Variants in ULK4 observed in about 807,000 individuals in gnomAD.
ULK4 encodes inactive serine/threonine-protein kinase ULK4.
In ULK4, 133 loss-of-function variants were observed where a neutral mutation model predicts 160.6. That is an observed-to-expected ratio of 0.83 (90% confidence interval 0.72 to 0.96). The LOEUF is 0.96. Among genes scored for constraint, ULK4 ranks in the 40% least tolerant of loss-of-function variants. ULK4 has a pLI of 0.00. For missense variants in ULK4, 1,580 were observed against 1,499.5 expected, an observed-to-expected ratio of 1.05 and a Z score of -0.89; for synonymous variants, 534 against 539.8, an observed-to-expected ratio of 0.99 and a Z score of 0.15.
chr3:41,680,498 G>A (rs2035890404), intron 29 of ULK4, among the ~76,000 whole-genome samples: 1 of 152,056 alleles, frequency 6.6e-6, no homozygotes, highest in Admixed American at 6.5e-5. Flanking sequence ...TCAACCAACT[G>A]GAGTGGTTGA....
At chr3:41,421,019 CAGA>C (rs375374986) in intron 34 of ULK4, among the ~76,000 whole-genome samples, 89 of 151,640 alleles carry the variant, frequency 5.9e-4, no homozygotes, top group African/African-American at 2.1e-3. Context: ...GAGGCTGAGG[CAGA>C]AGAATTGCTT....
chr3:41,737,674 T>C (rs945763165), intron 22 of ULK4, among the ~76,000 whole-genome samples: 8 of 151,906 alleles, frequency 5.3e-5, no homozygotes, highest in African/African-American at 1.9e-4. Flanking sequence ...CAGAAACAAT[T>C]TGTACTTTAA....
chr3:41,814,772 A>T, intron 19 of ULK4, among the ~76,000 whole-genome samples: 1 of 152,086 alleles, frequency 6.6e-6, no homozygotes, highest in East Asian at 1.9e-4. Flanking sequence ...AGCCTATTTT[A>T]TCTGATAATA....
At chr3:41,308,287 A>C (rs1173202353) in intron 35 of ULK4, among the ~76,000 whole-genome samples, 2 of 152,172 alleles carry the variant, frequency 1.3e-5, no homozygotes, top group African/African-American at 2.4e-5. Context: ...AGAATAAAAA[A>C]TAAAACAGCG....
At chr3:41,311,183 A>T (rs1005959383) in intron 35 of ULK4, among the ~76,000 whole-genome samples, 1 of 152,154 alleles carries the variant, frequency 6.6e-6, no homozygotes, top group Non-Finnish European at 1.5e-5. Flanking sequence ...AATGGACATT[A>T]TCATGGTTAA....
chr3:41,826,066 G>A (rs572668018), intron 18 of ULK4, among the ~76,000 whole-genome samples: 78 of 152,164 alleles, frequency 5.1e-4, no homozygotes, highest in South Asian at 1.5e-3. Flanking sequence ...ACTAAGCTTC[G>A]TAAGTGAAGG....
intron 32 of ULK4, among the ~76,000 whole-genome samples, chr3:41,470,345 A>T (rs1310910663): frequency 6.6e-6 from 1 of 152,190 alleles, no homozygotes; most frequent in Non-Finnish European, 1.5e-5. Context: ...TGAAGGAAAA[A>T]ATGCTGCCAA....
intron 35 of ULK4, among the ~76,000 whole-genome samples, chr3:41,291,845 TTC>T (rs2079571809): frequency 6.6e-6 from 1 of 151,466 alleles, no homozygotes; most frequent in Non-Finnish European, 1.5e-5. Flanking sequence ...TTTTTTTTTT[TTC>T]TGAGACGGAG....
chr3:41,390,373 C>T (rs1158289059), intron 35 of ULK4, among the ~76,000 whole-genome samples: 3 of 152,100 alleles, frequency 2.0e-5, no homozygotes, highest in Non-Finnish European at 4.4e-5. Flanking sequence ...TCCTTCAGTT[C>T]TGCTCTGATC....
At chr3:41,433,574 A>G (rs1051493923) in intron 34 of ULK4, among the ~76,000 whole-genome samples, 1 of 152,198 alleles carries the variant, frequency 6.6e-6, no homozygotes, top group African/African-American at 2.4e-5. Context: ...CCCTCCACAT[A>G]CACACACCTA....
intron 31 of ULK4, among the ~76,000 whole-genome samples, chr3:41,612,304 C>G (rs1269375357): frequency 1.3e-5 from 2 of 152,162 alleles, no homozygotes; most frequent in Non-Finnish European, 2.9e-5. Flanking sequence ...ATACCTCCTC[C>G]TCTTCCCCCA....
chr3:41,811,924 G>A (rs565716289), intron 19 of ULK4, among the ~76,000 whole-genome samples: 46 of 152,242 alleles, frequency 3.0e-4, no homozygotes, highest in African/African-American at 1.0e-3. Flanking sequence ...AGAGTTACCT[G>A]AGAAATTATG....
chr3:41,771,936 C>T (rs1057092724), intron 21 of ULK4, among the ~76,000 whole-genome samples: 2 of 152,068 alleles, frequency 1.3e-5, no homozygotes, highest in African/African-American at 4.8e-5. Flanking sequence ...ATTAGAGAGA[C>T]ACAACGGAAG....
At chr3:41,337,095 A>G (rs147163331) in intron 35 of ULK4, among the ~76,000 whole-genome samples, 3 of 152,254 alleles carry the variant, frequency 2.0e-5, no homozygotes, top group African/African-American at 4.8e-5. Flanking sequence ...GAGAGACTAC[A>G]TGCCGCATCA....
chr3:41,494,800 A>G (rs1238465860), intron 32 of ULK4, among the ~76,000 whole-genome samples: 1 of 152,148 alleles, frequency 6.6e-6, no homozygotes, highest in Admixed American at 6.6e-5. Context: ...ACAAACAGAG[A>G]GCCAAATCAG....
rs114513574 is a variant in ULK4, at chr3:41,529,482, C to T, written c.3226+36543G>A. Among the ~76,000 whole-genome samples the T allele has an allele frequency of 4.3e-3, 651 of 152,260 alleles. 4 individuals carry two copies. The highest frequency in any genetic ancestry group is 7.7e-3 in the Non-Finnish European group (527 of 68,022). On this transcript the variant is annotated intron_variant, in intron 32 of 36. Transcript: ENST00000301831. ...CCATTATCTGAACATATAAGAGCTT[C>T]TTGAGTACTGATTTGTTGTTGAGGC...
At position 41,936,939 on chromosome 3, in the gene ULK4, C is replaced by G. The variant is rs1717013; in HGVS notation, c.239-999G>C. On this transcript the variant is annotated intron_variant, in intron 3 of 36. Coordinates refer to ENST00000301831, the MANE Select transcript of ULK4 (RefSeq NM_017886.4). ...ATTGGATTGTAACACAAAGGATAAACGCTTGAGGAAATGGATACCCCATTT... is the reference window on the plus strand; with the variant it reads ...ATTGGATTGTAACACAAAGGATAAAGGCTTGAGGAAATGGATACCCCATTT... Among the ~76,000 whole-genome samples, 930 of 152,284 alleles carry G rather than the reference C, an allele frequency of 6.1e-3. 6 individuals carry two copies. Among genetic ancestry groups the G allele is most frequent in the African/African-American group, 0.02 (836 of 41,512 alleles).
chr3:41,900,137 G>C (rs1480895490), intron 13 of ULK4, among the ~76,000 whole-genome samples: 1 of 152,120 alleles, frequency 6.6e-6, no homozygotes, highest in African/African-American at 2.4e-5. Context: ...TAGCAATAAA[G>C]TATTATATTC....
intron 21 of ULK4, among the ~76,000 whole-genome samples, chr3:41,767,325 C>G (rs1248880262): frequency 6.6e-6 from 1 of 152,092 alleles, no homozygotes; most frequent in Non-Finnish European, 1.5e-5. Flanking sequence ...GAGACAGACA[C>G]TGAATTTATC....
Sources: allele counts gnomAD v4.1 joint callset (sites outside exome capture counted in the v4.1 genomes callset), GRCh38; gene constraint gnomAD v4.1.1; transcripts MANE v1.5; gene names NCBI Gene and HGNC (gene_info 2026-07-23, HGNC 2026-07-21).